The following CD226 variants were observed in gnomAD, a reference collection of about 807,000 sequenced individuals.
CD226 encodes CD226 molecule, also known as CD226 antigen.
CD226 carries 24 observed loss-of-function variants against 34.9 expected under a neutral mutation model. That is an observed-to-expected ratio of 0.69 (90% CI 0.50 to 0.97). The LOEUF is 0.97. Among genes scored for constraint, CD226 ranks in the 50% least tolerant of loss-of-function variants. The probability of loss-of-function intolerance (pLI) is 0.00; values close to 1 mark genes in which losing one functional copy is unlikely to be tolerated. For synonymous variants in CD226, 148 were observed against 147.4 expected (o/e 1.00, Z -0.03); for missense variants, 397 against 412.7 (o/e 0.96, Z 0.33).
At chr18:69,937,684 A>G (rs991411233) in intron 2 of CD226, among the ~76,000 whole-genome samples, 1 of 152,174 alleles carries the variant, frequency 6.6e-6, no homozygotes, top group Non-Finnish European at 1.5e-5. Context: ...AGCTCCTGCA[A>G]ATCAGCACAC....
intron 2 of CD226, among the ~76,000 whole-genome samples, chr18:69,943,015 C>T (rs920319745): frequency 6.6e-6 from 1 of 152,322 alleles, no homozygotes; most frequent in South Asian, 2.1e-4. Flanking sequence ...AGATCTCTGG[C>T]TCTTCAGAAA....
chr18:69,889,572 C>T (rs1410089931), intron 3 of CD226, among the ~76,000 whole-genome samples: 1 of 151,628 alleles, frequency 6.6e-6, no homozygotes, highest in Non-Finnish European at 1.5e-5. Context: ...TGGTTTTTGA[C>T]AGAAATAAAA....
intron 3 of CD226, among the ~76,000 whole-genome samples, chr18:69,891,604 A>G (rs1018663015): frequency 7.2e-5 from 11 of 152,212 alleles, no homozygotes; most frequent in Admixed American, 6.5e-5. Flanking sequence ...TGCCACAAAA[A>G]AACCTGTTCA....
chr18:69,932,646 A>G (rs956814205), intron 2 of CD226, among the ~76,000 whole-genome samples: 2 of 152,188 alleles, frequency 1.3e-5, no homozygotes, highest in South Asian at 2.1e-4. Flanking sequence ...ATTTCCCTCC[A>G]GCAGGAATGC....
chr18:69,924,988 T>C (rs1330503807), intron 2 of CD226, among the ~76,000 whole-genome samples: 1 of 152,190 alleles, frequency 6.6e-6, no homozygotes, highest in African/African-American at 2.4e-5. Flanking sequence ...TTCCTGAATT[T>C]TCCATTAGAA....
rs188913930 is a variant in CD226, at chr18:69,943,936, A to C, written c.382+2798T>G. Among the ~76,000 whole-genome samples the C allele has an allele frequency of 2.8e-4, 42 of 152,058 alleles. 1 individual carries two copies. The highest frequency in any genetic ancestry group is 8.5e-4 in the Admixed American group (13 of 15,270). On this transcript the variant is annotated intron_variant, in intron 2 of 5. Coordinates refer to ENST00000582621, the MANE Select transcript of CD226 (RefSeq NM_001303618.2). ...TCCTTCATCCTTCTGAAGTTCTTAC[A>C]ATCCATTATACAAACTAGGATTTCT... is the stretch of plus-strand genomic sequence containing the variant.
intron 1 of CD226, chr18:69,956,710 T>C (rs1356562244): frequency 1.3e-5 from 2 of 152,236 alleles, no homozygotes; most frequent in Admixed American, 1.3e-4. Context: ...ATTTAAAAAG[T>C]TGAGCTCAGA....
chr18:69,925,051 G>A (rs1388716946), intron 2 of CD226, among the ~76,000 whole-genome samples: 1 of 152,174 alleles, frequency 6.6e-6, no homozygotes, highest in Non-Finnish European at 1.5e-5. Context: ...CCTAACTCAT[G>A]AACTGAACAA....
At chr18:69,931,043 C>T (rs974640078) in intron 2 of CD226, among the ~76,000 whole-genome samples, 209 of 152,256 alleles carry the variant, frequency 1.4e-3, no homozygotes, top group Middle Eastern at 0.01. Context: ...CCATGGAATA[C>T]TATGCAGCCA....
At chr18:69,909,808 CAAT>C (rs2055302388) in intron 2 of CD226, among the ~76,000 whole-genome samples, 1 of 152,180 alleles carries the variant, frequency 6.6e-6, no homozygotes, top group Non-Finnish European at 1.5e-5. Flanking sequence ...TCCTACGCAA[CAAT>C]AATTCTGTAA....
intron 2 of CD226, 33 bp downstream of exon 2, chr18:69,946,701 A>G: frequency 7.2e-7 from 1 of 1,388,630 alleles, no homozygotes; most frequent in Non-Finnish European, 9.9e-7. Flanking sequence ...GTGGATAAAA[A>G]GGGATTTAAA....
At chr18:69,913,140 A>T (rs1479206643) in intron 2 of CD226, among the ~76,000 whole-genome samples, 1 of 152,202 alleles carries the variant, frequency 6.6e-6, no homozygotes, top group Non-Finnish European at 1.5e-5. Flanking sequence ...ATGCGCCGTC[A>T]TACCTGCCAG....
At chr18:69,904,823 T>C (rs1052501349) in intron 2 of CD226, among the ~76,000 whole-genome samples, 4 of 152,162 alleles carry the variant, frequency 2.6e-5, no homozygotes, top group Non-Finnish European at 5.9e-5. Context: ...GCCCCCCAGG[T>C]TAGACAATTT....
intron 4 of CD226, among the ~76,000 whole-genome samples, chr18:69,869,288 T>C (rs985078925): frequency 2.0e-5 from 3 of 152,064 alleles, no homozygotes; most frequent in African/African-American, 7.3e-5. Flanking sequence ...ATAAAGAAAA[T>C]GTGGTACACA....
chr18:69,915,656 A>T (rs2055376830), intron 2 of CD226, among the ~76,000 whole-genome samples: 1 of 152,146 alleles, frequency 6.6e-6, no homozygotes, highest in Non-Finnish European at 1.5e-5. Context: ...ATCTCACTAC[A>T]CACTCTTTTT....
chr18:69,877,142 G>A (rs998871057), intron 3 of CD226, among the ~76,000 whole-genome samples: 1 of 152,044 alleles, frequency 6.6e-6, no homozygotes, highest in African/African-American at 2.4e-5. Context: ...GGGATTGCAG[G>A]CGTGAGCCAC....
chr18:69,904,333 A>C lies in CD226; in HGVS notation c.383-8288T>G, dbSNP rs193288584. The stretch of plus-strand genomic sequence containing the variant: ...GTCCAAAGAGCGATTCCCCTGTCTA[A>C]GCACTGAACAGCAAAGGACTTGCAA... On this transcript the variant is annotated intron_variant, in intron 2 of 5. Transcript: ENST00000582621. Among the ~76,000 whole-genome samples, 37 of 152,338 alleles carry C rather than the reference A, an allele frequency of 2.4e-4. No individual in the cohort carries two copies. The East Asian group carries it at 6.8e-3, about 28-fold the overall frequency.
In CD226 at chr18:69,860,853, G is replaced by A. The variant is rs1001685159; in HGVS notation, c.*3461C>T. The A allele has an allele frequency of 3.3e-5, 5 of 151,894 alleles. No individual in the cohort carries two copies. The highest frequency in any genetic ancestry group is 1.3e-4 in the Admixed American group (2 of 15,246). The allele number at this position is 151,894 out of a possible 1,614,324, so 9.4% of individuals were successfully genotyped here. A position where few individuals can be genotyped will look rare whatever the true frequency, so the allele number is the denominator to read the frequency against. On this transcript the variant is annotated 3_prime_UTR_variant, in exon 6 of 6. Transcript: ENST00000582621. ...AGAAACTTTGTACTCACAATTTAGC[G>A]TCTCCACTTACACTTTATAAGCATC...
chr18:69,907,494 G>A (rs1419728808), intron 2 of CD226, among the ~76,000 whole-genome samples: 1 of 152,130 alleles, frequency 6.6e-6, no homozygotes, highest in East Asian at 1.9e-4. Flanking sequence ...ATTTTTAGTA[G>A]AGATGGGGTT....
Sources: allele counts gnomAD v4.1 joint callset (sites outside exome capture counted in the v4.1 genomes callset), GRCh38; gene constraint gnomAD v4.1.1; transcripts MANE v1.5; gene names NCBI Gene and HGNC (gene_info 2026-07-23, HGNC 2026-07-21).